PTPRN2: variants seen among roughly 807,000 people sequenced by gnomAD.
The protein encoded by PTPRN2 is receptor-type tyrosine-protein phosphatase N2.
PTPRN2 carries 74 observed loss-of-function variants against 118.8 expected under a neutral mutation model. That is an observed-to-expected ratio of 0.62 (90% CI 0.52 to 0.76). The LOEUF is 0.76. PTPRN2 is among the 30% of genes least tolerant of loss of function. The probability of loss-of-function intolerance (pLI) is 0.00; values close to 1 mark genes in which losing one functional copy is unlikely to be tolerated. For missense variants in PTPRN2, 1,481 were observed against 1,394.4 expected (o/e 1.06, Z -0.99); for synonymous variants, 641 against 608.0 (o/e 1.05, Z -0.80).
chr7:158,341,345 A>T (rs1806729804), intron 2 of PTPRN2, among the ~76,000 whole-genome samples: 1 of 149,970 alleles, frequency 6.7e-6, no homozygotes, highest in South Asian at 2.1e-4. Context: ...CCACACTCTC[A>T]CCATAAGAGG....
intron 1 of PTPRN2, among the ~76,000 whole-genome samples, chr7:158,522,779 G>A (rs1012317402): frequency 7.9e-5 from 12 of 152,182 alleles, no homozygotes; most frequent in Admixed American, 2.6e-4. Flanking sequence ...TTCTCACGTG[G>A]ACATTGGCTT....
chr7:158,297,882 A>G (rs1800609157), intron 3 of PTPRN2, among the ~76,000 whole-genome samples: 1 of 152,248 alleles, frequency 6.6e-6, no homozygotes, highest in African/African-American at 2.4e-5. Flanking sequence ...TGAAGTTACA[A>G]AACAAGTTGA....
intron 3 of PTPRN2, among the ~76,000 whole-genome samples, chr7:158,214,104 A>G (rs1234706516): frequency 6.6e-6 from 1 of 151,954 alleles, no homozygotes; most frequent in Non-Finnish European, 1.5e-5. Flanking sequence ...AACAAACAAA[A>G]CAATGCAGAG....
chr7:158,395,127 T>A (rs1465206181), intron 2 of PTPRN2, among the ~76,000 whole-genome samples: 1 of 151,964 alleles, frequency 6.6e-6, no homozygotes, highest in Non-Finnish European at 1.5e-5. Context: ...CGTTTTCGCC[T>A]GGGTGGTCTG....
rs555529621 is a variant in PTPRN2 at position 157,977,320 on chromosome 7, G to A, written c.1724-78583C>T. ...AAATTCAATGAACAAGGTGATTTCT[G>A]ATCAGGGCTCTGAGCTCTGCGTCAA... On this transcript the variant is annotated intron_variant, in intron 11 of 22. Transcript: ENST00000389418. This position sits in a 1 kb window ranked among gnomAD's most constrained non-coding sequence, Gnocchi z 4.6. Among the ~76,000 whole-genome samples, 17 of 152,022 alleles carry A rather than the reference G, an allele frequency of 1.1e-4. No individual in the cohort carries two copies. The highest frequency in any genetic ancestry group is 4.1e-4 in the African/African-American group (17 of 41,526).
intron 11 of PTPRN2, among the ~76,000 whole-genome samples, chr7:157,907,264 A>T (rs1270422861): frequency 6.6e-6 from 1 of 152,192 alleles, no homozygotes; most frequent in Non-Finnish European, 1.5e-5. Flanking sequence ...GCTGGGCACC[A>T]CGGGAACATT....
At chr7:158,070,803 CGTGGTG>C (rs1563388036) in intron 11 of PTPRN2, among the ~76,000 whole-genome samples, 8 of 95,956 alleles carry the variant, frequency 8.3e-5, no homozygotes, top group Admixed American at 2.1e-4. Context: ...TGGAGGTGCC[CGTGGTG>C]GTGAAGGTGC....
rs1797974189 is a variant in PTPRN2 at position 157,540,767 on chromosome 7, G to C, written c.2995C>G (p.Leu999Val). The C allele has an allele frequency of 6.4e-7, 1 of 1,568,522 alleles. No homozygotes were observed. The highest frequency in any genetic ancestry group is 8.6e-7 in the Non-Finnish European group (1 of 1,156,476). ...TTCACCTCCTCAGCCACGGCTGTCA[G>C]CGCGAACTCAAACTGCTCCTGCAGG... Reference protein sequence around the residue: ...VQTKEQFEFALTAVAEEVNAI... With the variant: ...VQTKEQFEFAVTAVAEEVNAI... The change falls in exon 23 of 23, where the codon CTG becomes GTG. Residue 999 changes from leucine to valine, a missense_variant. Coordinates refer to ENST00000389418, the MANE Select transcript of PTPRN2 (RefSeq NM_002847.5).
At chr7:157,748,378 G>GA (rs1801165459) in intron 12 of PTPRN2, among the ~76,000 whole-genome samples, 7 of 142,942 alleles carry the variant, frequency 4.9e-5, no homozygotes, top group African/African-American at 7.9e-5. Flanking sequence ...TGAGCTGCCT[G>GA]GGTGATTTTG....
intron 12 of PTPRN2, among the ~76,000 whole-genome samples, chr7:157,753,319 G>T (rs1801592605): frequency 6.6e-6 from 1 of 152,208 alleles, no homozygotes; most frequent in African/African-American, 2.4e-5. Flanking sequence ...GTGCTGTGGG[G>T]TGTGGTTCCC....
chr7:158,273,966 A>C (rs1291576197), intron 3 of PTPRN2, among the ~76,000 whole-genome samples: 2 of 117,810 alleles, frequency 1.7e-5, no homozygotes, highest in Non-Finnish European at 3.4e-5. Context: ...GCAGACAGAC[A>C]TGGGAGGAGC....
At chr7:157,746,725 C>G (rs2907684) in intron 12 of PTPRN2, among the ~76,000 whole-genome samples, 1 of 152,220 alleles carries the variant, frequency 6.6e-6, no homozygotes, top group Non-Finnish European at 1.5e-5. Flanking sequence ...TCAGCAGTTT[C>G]TAGAGCAGAA....
intron 12 of PTPRN2, among the ~76,000 whole-genome samples, chr7:157,688,749 ACCC>A: frequency 6.6e-6 from 1 of 152,024 alleles, no homozygotes; most frequent in Non-Finnish European, 1.5e-5. Context: ...GCTTGTCAGA[ACCC>A]CTCTGTGGCA....
Position 157,687,392 on chromosome 7 carries a change from G to A in PTPRN2, c.1789-4455C>T, listed in dbSNP as rs1349862348. 2.6e-5 allele frequency among the ~76,000 whole-genome samples: 4 copies of A among 152,200 alleles called. No homozygotes were observed. In the East Asian group the frequency reaches 7.7e-4, roughly 29 times the overall value. ...GGTTGTGTGATATAACCAGTTAACA[G>A]GAGCAGTTCATTCTCTGAGTCACGA... On this transcript the variant is annotated intron_variant, in intron 12 of 22. Transcript: ENST00000389418.
intron 3 of PTPRN2, among the ~76,000 whole-genome samples, chr7:158,267,603 G>A (rs925053916): frequency 1.3e-5 from 2 of 152,178 alleles, no homozygotes; most frequent in South Asian, 2.1e-4. Context: ...CGGGATCACC[G>A]TGGCCTGGGG....
At chr7:158,236,733 C>T (rs796097347) in intron 3 of PTPRN2, among the ~76,000 whole-genome samples, 16 of 152,188 alleles carry the variant, frequency 1.1e-4, no homozygotes, top group South Asian at 2.1e-4. Context: ...TGGTGGAACC[C>T]GTCCCCACCC....
At chr7:157,576,566 CCG>C (rs1315301155) in intron 19 of PTPRN2, 45 bp downstream of exon 19, 1 of 1,537,304 alleles carries the variant, frequency 6.5e-7, no homozygotes, top group Non-Finnish European at 8.8e-7. Context: ...CTCCCCTGTG[CCG>C]CGCGCTCAGC....
At chr7:157,691,710 C>G (rs1429397501) in intron 12 of PTPRN2, among the ~76,000 whole-genome samples, 1 of 152,214 alleles carries the variant, frequency 6.6e-6, no homozygotes, top group African/African-American at 2.4e-5. Context: ...CCTAGACCAC[C>G]GCTCTGCGGG....
At chr7:158,246,898 G>A (rs1409143198) in intron 3 of PTPRN2, among the ~76,000 whole-genome samples, 2 of 152,146 alleles carry the variant, frequency 1.3e-5, no homozygotes, top group African/African-American at 2.4e-5. Flanking sequence ...ACAGGACTGA[G>A]AGGGGCTACA....
Sources: allele counts gnomAD v4.1 joint callset (sites outside exome capture counted in the v4.1 genomes callset), GRCh38; gene constraint gnomAD v4.1.1; non-coding constraint Gnocchi (gnomAD v3.1); transcripts MANE v1.5; gene names NCBI Gene and HGNC (gene_info 2026-07-23, HGNC 2026-07-21).